The following AASDH variants were observed in gnomAD, a reference collection of about 807,000 sequenced individuals.
AASDH encodes beta-alanine-activating enzyme.
Under a neutral mutation model 102.3 loss-of-function variants are expected in AASDH, and 81 were observed. The ratio of observed to expected loss-of-function variants is 0.79; its 90% confidence interval spans 0.66 to 0.95. The LOEUF (loss-of-function observed/expected upper bound fraction) is 0.95. Ranked by LOEUF, AASDH falls within the 40% of genes least tolerant of loss-of-function variation. The pLI, the probability that AASDH is intolerant of heterozygous loss-of-function variation, is 0.00. For missense variants in AASDH, 1,203 were observed against 1,266.2 expected (o/e 0.95, Z 0.76); for synonymous variants, 398 against 454.0 (o/e 0.88, Z 1.57).
At chr4:56,367,878 T>G (rs1251604527) in intron 5 of AASDH, among the ~76,000 whole-genome samples, 1 of 151,310 alleles carries the variant, frequency 6.6e-6, no homozygotes, top group Non-Finnish European at 1.5e-5. Flanking sequence ...GGGATCTCAT[T>G]AAACTAAAGA....
Position 56,384,170 on chromosome 4 carries a change from C to A in AASDH, c.130G>T (p.Glu44Ter). ...TGTAACAGCAGAAAATTTGATAATT[C>A]AGAAGCAGCATTAACCACAGTCTTG... ...TYKTVVNAASELSNFLLLHCD... is the reference protein window; with the variant it reads ...TYKTVVNAAS The change falls in exon 2 of 15, where the codon GAA (glutamate) becomes TAA (stop). Residue 44 changes from glutamate to a stop codon, truncating the protein, a stop_gained. Transcript: ENST00000205214. LOFTEE classifies it high-confidence loss of function. The A allele has an allele frequency of 3.1e-6, 5 of 1,614,134 alleles. No individual in the cohort carries two copies. The highest frequency in any genetic ancestry group is 4.2e-6 in the Non-Finnish European group (5 of 1,180,018).
chr4:56,341,389 CTTTTTTTTTTT>C (rs575687659), intron 14 of AASDH, among the ~76,000 whole-genome samples: 1 of 92,416 alleles, frequency 1.1e-5, no homozygotes, highest in Non-Finnish European at 2.0e-5. Context: ...AGACTTTTAT[CTTTTTTTTTTT>C]TTTTTTTTTT....
At chr4:56,367,822 T>C (rs1169400993) in intron 5 of AASDH, among the ~76,000 whole-genome samples, 2 of 151,536 alleles carry the variant, frequency 1.3e-5, no homozygotes, top group Non-Finnish European at 2.9e-5. Context: ...GGACTTCATG[T>C]CTAAAACACC....
intron 4 of AASDH, among the ~76,000 whole-genome samples, chr4:56,376,656 T>C (rs1406318047): frequency 3.9e-5 from 6 of 152,212 alleles, no homozygotes; most frequent in Non-Finnish European, 1.5e-5. Context: ...ATAAAATATA[T>C]GCCAGATTTT....
At chr4:56,364,971 C>T (rs1445808983) in intron 5 of AASDH, among the ~76,000 whole-genome samples, 1 of 152,098 alleles carries the variant, frequency 6.6e-6, no homozygotes, top group Non-Finnish European at 1.5e-5. Flanking sequence ...ATTCAGGAAA[C>T]TCATCTCACG....
chr4:56,379,973 T>C, intron 3 of AASDH, among the ~76,000 whole-genome samples: 1 of 152,134 alleles, frequency 6.6e-6, no homozygotes, highest in Non-Finnish European at 1.5e-5. Flanking sequence ...AACCTGTAAG[T>C]GACAGGATCC....
chr4:56,352,002 T>C (rs922819793), intron 9 of AASDH, among the ~76,000 whole-genome samples: 8 of 151,970 alleles, frequency 5.3e-5, no homozygotes, highest in Non-Finnish European at 8.8e-5. Flanking sequence ...AAGGAAATAG[T>C]TCCATTACCT....
intron 12 of AASDH, 126 bp from the exon 13 acceptor site, chr4:56,343,810 TA>T: frequency 1.1e-6 from 1 of 902,392 alleles, no homozygotes; most frequent in South Asian, 2.5e-5. Context: ...AGTACATGCC[TA>T]CTGTGGAGAA....
Position 56,338,761 on chromosome 4 carries a change from A to AGAT in AASDH, c.2935_2937dup (p.Ile979dup), listed in dbSNP as rs749639479. 5.0e-6 allele frequency: 8 copies of AGAT among 1,614,174 alleles called. No homozygotes were observed. In the Admixed American group the frequency reaches 1.0e-4, roughly 20 times the overall value. On this transcript the variant is annotated inframe_insertion, in exon 15 of 15. Transcript: ENST00000205214. ...GATGGTGAGGTACACGGGGATGAAA[A>AGAT]GATTGGTCCACTGGTAGAGAACTGC...
intron 10 of AASDH, 41 bp downstream of exon 10, chr4:56,351,301 G>A (rs541906386): frequency 1.1e-5 from 14 of 1,282,176 alleles, no homozygotes; most frequent in East Asian, 7.3e-5. Context: ...GATATAAAAC[G>A]ACCTCTTTAT....
chr4:56,350,124 C>T (rs1388372417), intron 10 of AASDH, 66 bp from the exon 11 acceptor site: 17 of 1,288,014 alleles, frequency 1.3e-5, no homozygotes, highest in Non-Finnish European at 1.7e-5. Context: ...TCAACATTTA[C>T]AGGTAATATA....
chr4:56,385,258 C>T (rs1261925986), intron 1 of AASDH, among the ~76,000 whole-genome samples: 2 of 152,078 alleles, frequency 1.3e-5, no homozygotes, highest in Non-Finnish European at 2.9e-5. Flanking sequence ...GTGTTTATTA[C>T]TATACTATTA....
At position 56,384,155 on chromosome 4, in the gene AASDH, G is replaced by A; in HGVS notation, c.145C>T (p.Leu49=). The A allele has an allele frequency of 1.2e-6, 2 of 1,614,172 alleles. No homozygotes were observed. The highest frequency in any genetic ancestry group is 1.7e-6 in the Non-Finnish European group (2 of 1,180,016). The change falls in exon 2 of 15, where the codon CTG becomes TTG. Residue 49 remains leucine (L), a synonymous_variant. Transcript: ENST00000205214. ...CCTTGAAAGTCACAGTGTAACAGCA[G>A]AAAATTTGATAATTCAGAAGCAGCA... ...VNAASELSNF[L]LLHCDFQGIR...
chr4:56,351,970 A>G (rs1244941153), intron 9 of AASDH, among the ~76,000 whole-genome samples: 2 of 151,886 alleles, frequency 1.3e-5, no homozygotes, highest in East Asian at 1.9e-4. Flanking sequence ...TATTTATCCA[A>G]TTTATCTCAA....
chr4:56,345,459 C>T (rs1748221777), intron 11 of AASDH, among the ~76,000 whole-genome samples, 169 bp from the exon 12 acceptor site: 1 of 152,208 alleles, frequency 6.6e-6, no homozygotes, highest in African/African-American at 2.4e-5. Context: ...AATTAGTAAT[C>T]ACTTATGTAA....
rs532341021 is a variant in AASDH, at chr4:56,347,679, A to T, written c.2488+1584T>A. Among the ~76,000 whole-genome samples, 4 of 152,276 alleles carry T rather than the reference A, an allele frequency of 2.6e-5. No individual in the cohort carries two copies. The South Asian group carries it at 8.3e-4, about 32-fold the overall frequency. The stretch of plus-strand genomic sequence containing the variant: ...CACTTTGGGAGGCTGAGGTGGGCAG[A>T]TCGCTTGAGCCCGGGAGTTTGAGAC... On this transcript the variant is annotated intron_variant, in intron 11 of 14. Coordinates refer to ENST00000205214, the MANE Select transcript of AASDH (RefSeq NM_181806.4).
chr4:56,376,012 C>T (rs934055216), intron 4 of AASDH, among the ~76,000 whole-genome samples: 9 of 147,216 alleles, frequency 6.1e-5, no homozygotes, highest in Admixed American at 2.9e-4. Flanking sequence ...GCCTCTAAAC[C>T]GCTCATCTTT....
At chr4:56,369,999 G>A (rs112842480) in intron 5 of AASDH, among the ~76,000 whole-genome samples, 56 of 151,132 alleles carry the variant, frequency 3.7e-4, no homozygotes, top group African/African-American at 1.3e-3. Flanking sequence ...ATGCACATAT[G>A]CACACAGGTA....
At chr4:56,385,747 G>T in intron 1 of AASDH, among the ~76,000 whole-genome samples, 1 of 151,802 alleles carries the variant, frequency 6.6e-6, no homozygotes, top group East Asian at 1.9e-4. Flanking sequence ...ACAAGTGCGC[G>T]CTACCATGTC....
Sources: gnomAD v4.1 joint callset for allele counts (sites outside exome capture counted in the v4.1 genomes callset) on GRCh38, gnomAD v4.1.1 for gene constraint, MANE v1.5 for transcripts, NCBI Gene and HGNC (gene_info 2026-07-23, HGNC 2026-07-21) for gene names.